The following ITPKB variants were observed in gnomAD, a reference collection of about 807,000 sequenced individuals.
ITPKB encodes the protein IP3 3-kinase B.
Under a neutral mutation model 69.4 loss-of-function variants are expected in ITPKB, and 13 were observed. The ratio of observed to expected loss-of-function variants is 0.19; its 90% confidence interval spans 0.12 to 0.30. The LOEUF (loss-of-function observed/expected upper bound fraction) is 0.30. ITPKB is among the 10% of genes least tolerant of loss of function. ITPKB has a pLI of 1.00. For synonymous variants in ITPKB, 584 were observed against 513.7 expected (o/e 1.14, Z -1.85); for missense variants, 1,240 against 1,250.5 (o/e 0.99, Z 0.13).
At position 226,736,611 on chromosome 1, in the gene ITPKB, G is replaced by A. The variant is rs1399583186; in HGVS notation, c.848C>T (p.Pro283Leu). 10 of 1,613,666 alleles carry A rather than the reference G, an allele frequency of 6.2e-6. No homozygotes were observed. The highest frequency in any genetic ancestry group is 4.0e-5 in the African/African-American group (3 of 74,962). The part of the protein sequence containing the change: ...MEIDKRGSPT[P>L]GTRSCLAPSL... ...GGGAGCTAGGCAGCTCCGAGTTCCC[G>A]GGGTAGGAGAGCCCCTTTTGTCAAT... The change falls in exon 2 of 8, where the codon CCG (proline) becomes CTG (leucine). Residue 283 changes from proline to leucine, a missense_variant. This residue lies in a region of ITPKB where 992 missense variants were observed against 853.8 expected (regional missense o/e 1.16). Transcript: ENST00000429204.
At position 226,713,090 on chromosome 1, in the gene ITPKB, G is replaced by T. The variant is rs542817193; in HGVS notation, c.1932+22437C>A. On this transcript the variant is annotated intron_variant, in intron 2 of 7. Coordinates refer to ENST00000429204, the MANE Select transcript of ITPKB (RefSeq NM_002221.4). The stretch of plus-strand genomic sequence containing the variant: ...CACACACATACACACGTGCATATGC[G>T]CAAATAAATATACACACATATACAC... Among the ~76,000 whole-genome samples, 46 of 151,966 alleles carry T rather than the reference G, an allele frequency of 3.0e-4. 1 individual carries two copies. The highest frequency in any genetic ancestry group is 1.0e-3 in the Admixed American group (16 of 15,270).
intron 2 of ITPKB, among the ~76,000 whole-genome samples, chr1:226,678,491 G>A (rs535191442): frequency 7.2e-5 from 11 of 152,192 alleles, no homozygotes; most frequent in Admixed American, 7.2e-4. Context: ...TTAGGAACAT[G>A]GTCTCTGGAG....
At position 226,639,541 on chromosome 1, in the gene ITPKB, G is replaced by A. The variant is rs748174875; in HGVS notation, c.2553+16C>T. Reference sequence around the variant, plus strand: ...TGGCTGGCTGGAGAGACCCTCTCTGGAGGTGCCAGACTCACCAGGATGTTA... The same window carrying A: ...TGGCTGGCTGGAGAGACCCTCTCTGAAGGTGCCAGACTCACCAGGATGTTA... On this transcript the variant is annotated intron_variant, in intron 6 of 7. Coordinates refer to ENST00000429204, the MANE Select transcript of ITPKB (RefSeq NM_002221.4). 2.7e-5 allele frequency: 41 copies of A among 1,522,128 alleles called. No homozygotes were observed. The highest frequency in any genetic ancestry group is 3.4e-5 in the Non-Finnish European group (37 of 1,096,188). The allele number at this position is 1,522,128 out of a possible 1,614,324, so 94.3% of individuals were successfully genotyped here. A position where few individuals can be genotyped will look rare whatever the true frequency, so the allele number is the denominator to read the frequency against.
intron 4 of ITPKB, among the ~76,000 whole-genome samples, chr1:226,643,065 C>T (rs573639094): frequency 6.6e-6 from 1 of 152,308 alleles, no homozygotes; most frequent in East Asian, 1.9e-4. Flanking sequence ...GGTGAGCCCC[C>T]AGTCCAAAAA....
At position 226,736,448 on chromosome 1, in the gene ITPKB, C is replaced by A. The variant is rs1657767153; in HGVS notation, c.1011G>T (p.Gln337His). Residue 337 changes from glutamine (Q) to histidine (H), a missense_variant, in exon 2 of 8, where the codon CAG becomes CAT. Gln to His is a conservative substitution (Grantham distance 24). Coordinates refer to ENST00000429204, the MANE Select transcript of ITPKB (RefSeq NM_002221.4). Reference protein sequence around the residue: ...SGRARELEDLQPPEALVERQG... With the variant: ...SGRARELEDLHPPEALVERQG... Reference sequence around the variant, plus strand: ...GCCTCTCCACCAGGGCCTCTGGGGGCTGCAGGTCCTCAAGCTCACGGGCTC... The same window carrying A: ...GCCTCTCCACCAGGGCCTCTGGGGGATGCAGGTCCTCAAGCTCACGGGCTC... 1 of 1,613,460 alleles carries A rather than the reference C, an allele frequency of 6.2e-7. No individual in the cohort carries two copies. The highest frequency in any genetic ancestry group is 8.5e-7 in the Non-Finnish European group (1 of 1,180,026).
At chr1:226,643,353 C>T (rs1034116088) in intron 4 of ITPKB, among the ~76,000 whole-genome samples, 2 of 152,238 alleles carry the variant, frequency 1.3e-5, no homozygotes, top group African/African-American at 4.8e-5. Flanking sequence ...GCCCCAGTCT[C>T]CCTACACAAC....
At chr1:226,636,733 C>T (rs544242609) in intron 7 of ITPKB, among the ~76,000 whole-genome samples, 1 of 150,416 alleles carries the variant, frequency 6.6e-6, no homozygotes, top group Non-Finnish European at 1.5e-5. Context: ...TGGGATTAGC[C>T]AGCCCCAGGA....
At chr1:226,668,330 C>T (rs1443465850) in intron 2 of ITPKB, among the ~76,000 whole-genome samples, 3 of 152,152 alleles carry the variant, frequency 2.0e-5, no homozygotes, top group Non-Finnish European at 4.4e-5. Flanking sequence ...ACTCAGCTAC[C>T]CATGTTTCAA....
At position 226,736,166 on chromosome 1, in the gene ITPKB, G is replaced by A. The variant is rs753117375; in HGVS notation, c.1293C>T (p.Pro431=). The change falls in exon 2 of 8, where the codon CCC becomes CCT. Residue 431 remains proline, a synonymous_variant. Transcript: ENST00000429204. The part of the protein sequence containing the change: ...VGPEEARSGA[P]VGGGRWQLSD... ...AGAGCTGCCAACGCCCCCCGCCCAC[G>A]GGGGCCCCACTTCGGGCCTCCTCAG... The A allele has an allele frequency of 6.4e-6, 10 of 1,552,786 alleles. No individual in the cohort carries two copies. The East Asian group carries it at 2.3e-4, about 35-fold the overall frequency.
chr1:226,687,871 A>C (rs1656251384), intron 2 of ITPKB, among the ~76,000 whole-genome samples: 2 of 152,204 alleles, frequency 1.3e-5, no homozygotes, highest in Non-Finnish European at 2.9e-5. Context: ...ACTGCTTCCG[A>C]GTTTCCTCAA....
intron 2 of ITPKB, among the ~76,000 whole-genome samples, chr1:226,677,652 G>A (rs749823431): frequency 6.6e-6 from 1 of 152,222 alleles, no homozygotes; most frequent in African/African-American, 2.4e-5. Context: ...TGTGCCAGAG[G>A]CTGCAAGATG....
At chr1:226,683,430 G>C (rs190557139) in intron 2 of ITPKB, among the ~76,000 whole-genome samples, 8 of 152,296 alleles carry the variant, frequency 5.3e-5, no homozygotes, top group African/African-American at 1.9e-4. Flanking sequence ...TAAGAAAACA[G>C]AGGCTCAGGC....
At chr1:226,657,348 A>C (rs1402695149) in intron 2 of ITPKB, 2 of 152,236 alleles carry the variant, frequency 1.3e-5, no homozygotes, top group African/African-American at 4.8e-5. Flanking sequence ...GGGGGTTTAC[A>C]TTCTCTTCTT....
rs576528276 is a variant in ITPKB, at chr1:226,646,275, G to A, written c.2246+892C>T. Among the ~76,000 whole-genome samples the A allele has an allele frequency of 9.8e-5, 15 of 152,334 alleles. No individual in the cohort carries two copies. In the South Asian group the frequency reaches 2.9e-3, roughly 29 times the overall value. ...CCGCACGCTGGACACCATGGGGGCC[G>A]ACAGCCTTAGGGAGGTTCACCAAGC... On this transcript the variant is annotated intron_variant, in intron 4 of 7. Coordinates refer to ENST00000429204, the MANE Select transcript of ITPKB (RefSeq NM_002221.4).
At chr1:226,710,044 A>T (rs1656903185) in intron 2 of ITPKB, among the ~76,000 whole-genome samples, 1 of 152,070 alleles carries the variant, frequency 6.6e-6, no homozygotes, top group African/African-American at 2.4e-5. Context: ...CACAAAATTC[A>T]GCCACATCCC....
At chr1:226,735,225 T>C (rs1165408290) in intron 2 of ITPKB, among the ~76,000 whole-genome samples, 1 of 152,260 alleles carries the variant, frequency 6.6e-6, no homozygotes, top group Non-Finnish European at 1.5e-5. Flanking sequence ...GTGACATTTA[T>C]GAATATTATT....
chr1:226,679,159 G>T (rs1271113199), intron 2 of ITPKB, among the ~76,000 whole-genome samples: 1 of 151,280 alleles, frequency 6.6e-6, no homozygotes, highest in Non-Finnish European at 1.5e-5. Flanking sequence ...GGCTGACAGC[G>T]TCTATTCAGA....
intron 2 of ITPKB, among the ~76,000 whole-genome samples, chr1:226,722,951 C>T (rs2102644887): frequency 6.6e-6 from 1 of 152,262 alleles, no homozygotes; most frequent in East Asian, 1.9e-4. Context: ...TGCCCCCCAC[C>T]CATTACAGCT....
Position 226,641,829 on chromosome 1 carries a change from A to G in ITPKB, c.2451+92T>C, listed in dbSNP as rs1668968131. ...CACATTCTGAGCCTGTGCCTGGAGAAGCTTACAGCTTCCAAAGGGCGCTGA... is the reference window on the plus strand; with the variant it reads ...CACATTCTGAGCCTGTGCCTGGAGAGGCTTACAGCTTCCAAAGGGCGCTGA... On this transcript the variant is annotated intron_variant, in intron 5 of 7. Coordinates refer to ENST00000429204, the MANE Select transcript of ITPKB (RefSeq NM_002221.4). The surrounding 1 kb of genome is among the most constrained non-coding windows in gnomAD (Gnocchi z 4.6). The G allele has an allele frequency of 8.5e-7, 1 of 1,180,028 alleles. No homozygotes were observed. The highest frequency in any genetic ancestry group is 1.2e-6 in the Non-Finnish European group (1 of 826,562). 73.1% of individuals were successfully genotyped at this position (1,180,028 alleles called of 1,614,324 possible).
Sources: allele counts gnomAD v4.1 joint callset (sites outside exome capture counted in the v4.1 genomes callset), GRCh38; gene constraint gnomAD v4.1.1; regional missense constraint gnomAD v4.1.1; non-coding constraint Gnocchi (gnomAD v3.1); transcripts MANE v1.5; gene names NCBI Gene and HGNC (gene_info 2026-07-23, HGNC 2026-07-21).